Variants in MGAT4C observed in about 807,000 individuals in gnomAD.
MGAT4C encodes the protein alpha-1,3-mannosyl-glycoprotein 4-beta-N-acetylglucosaminyltransferase C.
In MGAT4C, 19 loss-of-function variants were observed where a neutral mutation model predicts 40.1. The observed-to-expected ratio is 0.47, with a 90% CI of 0.33 to 0.70. MGAT4C has a LOEUF of 0.70. Among genes scored for constraint, MGAT4C ranks in the 30% least tolerant of loss-of-function variants. The pLI, the probability that MGAT4C is intolerant of heterozygous loss-of-function variation, is 0.02. For missense variants in MGAT4C, 491 were observed against 563.2 expected, an observed-to-expected ratio of 0.87 and a Z score of 1.30; for synonymous variants, 181 against 187.1, an observed-to-expected ratio of 0.97 and a Z score of 0.27.
intron 2 of MGAT4C, among the ~76,000 whole-genome samples, chr12:86,596,731 C>A (rs1023195890): frequency 6.6e-6 from 1 of 152,124 alleles, no homozygotes; most frequent in African/African-American, 2.4e-5. Context: ...AGATAGATAG[C>A]CACACCACCT....
chr12:86,098,588 CT>C (rs767775810), intron 1 of MGAT4C, among the ~76,000 whole-genome samples: 20 of 151,588 alleles, frequency 1.3e-4, no homozygotes, highest in Non-Finnish European at 2.8e-4. Context: ...CCTGCTATTT[CT>C]GCTACAGTTT....
chr12:86,159,923 CTCTT>C (rs1407484724), intron 1 of MGAT4C, among the ~76,000 whole-genome samples: 1 of 152,048 alleles, frequency 6.6e-6, no homozygotes, highest in East Asian at 1.9e-4. Context: ...CTTGGGTCTT[CTCTT>C]TCTTTCTCTT....
intron 4 of MGAT4C, among the ~76,000 whole-genome samples, chr12:86,331,115 G>A (rs984264956): frequency 6.6e-6 from 1 of 152,110 alleles, no homozygotes; most frequent in Admixed American, 6.6e-5. Context: ...TTATAAGAAG[G>A]AAGGGCATGA....
At chr12:86,224,562 G>A (rs907696062) in intron 1 of MGAT4C, among the ~76,000 whole-genome samples, 5 of 152,106 alleles carry the variant, frequency 3.3e-5, no homozygotes, top group Admixed American at 1.3e-4. Context: ...CATAAAACAA[G>A]TCTAAATAAA....
chr12:86,053,081 C>T (rs1418260793), intron 1 of MGAT4C, among the ~76,000 whole-genome samples: 2 of 151,846 alleles, frequency 1.3e-5, no homozygotes, highest in East Asian at 1.9e-4. Flanking sequence ...GTACGAGTGT[C>T]AATTCCTTGC....
At chr12:86,639,618 A>G (rs1221513968) in intron 2 of MGAT4C, among the ~76,000 whole-genome samples, 1 of 151,762 alleles carries the variant, frequency 6.6e-6, no homozygotes, top group African/African-American at 2.4e-5. Flanking sequence ...AGAATAGTTT[A>G]TGCCTATATT....
rs187120596 is a variant in MGAT4C, at chr12:86,127,435, G to T, written c.-56-77712C>A. Among the ~76,000 whole-genome samples, 408 of 152,202 alleles carry T rather than the reference G, an allele frequency of 2.7e-3. 1 individual carries two copies. The highest frequency in any genetic ancestry group is 4.1e-3 in the Non-Finnish European group (281 of 68,006). ...TGAGTGACTAGTGAGTAAATGTGAA[G>T]GCCTAGGATATTACTGTCCACTACT... On this transcript the variant is annotated intron_variant, in intron 1 of 4. Coordinates refer to ENST00000611864, the MANE Select transcript of MGAT4C (RefSeq NM_001351288.2).
chr12:86,233,084 GT>G (rs1471698672), intron 1 of MGAT4C, among the ~76,000 whole-genome samples: 1 of 152,146 alleles, frequency 6.6e-6, no homozygotes, highest in Non-Finnish European at 1.5e-5. Flanking sequence ...AGGTTATTCT[GT>G]TTTAGATTTT....
intron 2 of MGAT4C, among the ~76,000 whole-genome samples, chr12:86,499,406 G>A (rs1046495207): frequency 6.6e-6 from 1 of 151,622 alleles, no homozygotes; most frequent in Admixed American, 6.6e-5. Context: ...GTTACTGAAG[G>A]TAAAACTGCT....
chr12:86,837,122 G>A (rs1302269217), intron 1 of MGAT4C, among the ~76,000 whole-genome samples: 1 of 152,010 alleles, frequency 6.6e-6, no homozygotes, highest in African/African-American at 2.4e-5. Context: ...AACCAGACTG[G>A]GAGCAATCTC....
At chr12:86,021,630 C>T (rs1166725756) in intron 2 of MGAT4C, among the ~76,000 whole-genome samples, 1 of 151,208 alleles carries the variant, frequency 6.6e-6, no homozygotes, top group South Asian at 2.1e-4. Flanking sequence ...GGAGATATAC[C>T]TAATGTTAAA....
At chr12:86,669,606 T>G (rs1964202446) in intron 2 of MGAT4C, among the ~76,000 whole-genome samples, 1 of 152,222 alleles carries the variant, frequency 6.6e-6, no homozygotes, top group African/African-American at 2.4e-5. Context: ...ATCCACTGGA[T>G]TATTCATTGG....
In MGAT4C at chr12:86,383,843, G is replaced by A. The variant is rs149853341; in HGVS notation, c.-119-49716C>T. On this transcript the variant is annotated intron_variant, in intron 3 of 7. Coordinates refer to the MGAT4C transcript ENST00000548651. ...TTTTGGGGGATTGTTGGGAAGGCAC[G>A]ACTGGTTTTGAAATGTGAGGACATG... 1.6e-4 allele frequency among the ~76,000 whole-genome samples: 24 copies of A among 152,250 alleles called. No individual in the cohort carries two copies. The East Asian group carries it at 2.5e-3, about 16-fold the overall frequency.
intron 1 of MGAT4C, among the ~76,000 whole-genome samples, chr12:86,060,863 G>A (rs1031176831): frequency 6.6e-6 from 1 of 152,104 alleles, no homozygotes; most frequent in Non-Finnish European, 1.5e-5. Flanking sequence ...GGGGGACTGA[G>A]CTGGCCAGGA....
chr12:86,115,362 A>G lies in MGAT4C; in HGVS notation c.-56-65639T>C, dbSNP rs139273141. 5.3e-3 allele frequency among the ~76,000 whole-genome samples: 806 copies of G among 152,096 alleles called. 7 individuals are homozygous for G. The highest frequency in any genetic ancestry group is 0.018 in the African/African-American group (767 of 41,538). On this transcript the variant is annotated intron_variant, in intron 1 of 4. Transcript: ENST00000611864. ...GACTTGTTAATCAATTAGGTCATAT[A>G]CTTAAGATTTGGGGTAGAACTAAGG...
chr12:86,513,143 G>T (rs1466996223), intron 2 of MGAT4C, among the ~76,000 whole-genome samples: 1 of 152,070 alleles, frequency 6.6e-6, no homozygotes, highest in Non-Finnish European at 1.5e-5. Context: ...CATTTTAATA[G>T]TTACGAAGTA....
Position 86,011,591 on chromosome 12 carries a change from C to T in MGAT4C, c.-6-22039G>A, listed in dbSNP as rs146203084. 2.6e-5 allele frequency among the ~76,000 whole-genome samples: 4 copies of T among 152,178 alleles called. No individual in the cohort carries two copies. In the East Asian group the frequency reaches 7.7e-4, roughly 29 times the overall value. On this transcript the variant is annotated intron_variant, in intron 2 of 4. Transcript: ENST00000611864. Reference sequence around the variant, plus strand: ...TGGCTTATAATAGTATAGTAGAAAACGGGATGAGAGAATTGAAGCAAGTTA... The same window carrying T: ...TGGCTTATAATAGTATAGTAGAAAATGGGATGAGAGAATTGAAGCAAGTTA...
chr12:86,262,200 G>A (rs978629738), intron 4 of MGAT4C, among the ~76,000 whole-genome samples: 2 of 151,798 alleles, frequency 1.3e-5, no homozygotes, highest in African/African-American at 2.4e-5. Flanking sequence ...AATTTATTTT[G>A]TTACAGAGCA....
intron 2 of MGAT4C, among the ~76,000 whole-genome samples, chr12:86,473,402 T>C (rs1453309901): frequency 6.6e-6 from 1 of 152,206 alleles, no homozygotes; most frequent in Non-Finnish European, 1.5e-5. Context: ...CAGATGTTGA[T>C]TCTTTCTTCA....
Sources: gnomAD v4.1 joint callset for allele counts (sites outside exome capture counted in the v4.1 genomes callset) on GRCh38, gnomAD v4.1.1 for gene constraint, MANE v1.5 for transcripts, NCBI Gene and HGNC (gene_info 2026-07-23, HGNC 2026-07-21) for gene names.